The following CEL variants were observed in gnomAD, a reference collection of about 807,000 sequenced individuals.
CEL encodes bile salt-activated lipase.
In CEL, 39 loss-of-function variants were observed where a neutral mutation model predicts 57.1. That is an observed-to-expected ratio of 0.68 (90% CI 0.53 to 0.89). The LOEUF (loss-of-function observed/expected upper bound fraction) is 0.89, where lower values mean the gene tolerates loss of function less well. Ranked by LOEUF, CEL falls within the 40% of genes least tolerant of loss-of-function variation. The probability of loss-of-function intolerance (pLI) is 0.00; values close to 1 mark genes in which losing one functional copy is unlikely to be tolerated. For synonymous variants in CEL, 314 were observed against 396.6 expected (o/e 0.79, Z 2.48); for missense variants, 698 against 915.0 (o/e 0.76, Z 3.06).
intron 7 of CEL, 57 bp from the exon 8 acceptor site, chr9:133,068,615 G>A: frequency 3.7e-6 from 6 of 1,612,680 alleles, no homozygotes; most frequent in East Asian, 4.5e-5. Flanking sequence ...GCAAGGGGCG[G>A]CTCAGGGGAA....
At chr9:133,064,355 G>A in intron 1 of CEL, 49 bp from the exon 2 acceptor site, 1 of 1,610,042 alleles carries the variant, frequency 6.2e-7, no homozygotes, top group Non-Finnish European at 8.5e-7. Flanking sequence ...TCCGGATTCA[G>A]GCCGATGGGG....
rs770921787 is a variant in CEL at position 133,071,790 on chromosome 9, G to A, written c.*26G>A. 2 of 1,606,768 alleles carry A rather than the reference G, an allele frequency of 1.2e-6. No homozygotes were observed. The highest frequency in any genetic ancestry group is 1.1e-5 in the South Asian group (1 of 90,884). On this transcript the variant is annotated 3_prime_UTR_variant, in exon 11 of 11. Coordinates refer to ENST00000372080, the MANE Select transcript of CEL (RefSeq NM_001807.6). ...CGTCCCATGAGCCTTGGTATCAAGA[G>A]GCCACAAGAGTGGGACCCCAGGGGC...
chr9:133,066,303 G>T lies in CEL; in HGVS notation c.539-227G>T, dbSNP rs1830177795. On this transcript the variant is annotated intron_variant, in intron 4 of 10. Transcript: ENST00000372080. This position sits in a 1 kb window ranked among gnomAD's most constrained non-coding sequence, Gnocchi z 4.3. ...CACCGCACCCGACTCAGCCTCCTGG[G>T]GACCCACCCACTCCAGCAACCAACG... is the stretch of plus-strand genomic sequence containing the variant. 6.6e-6 allele frequency among the ~76,000 whole-genome samples: 1 copy of T among 151,780 alleles called. No individual in the cohort carries two copies. The highest frequency in any genetic ancestry group is 2.4e-5 in the African/African-American group (1 of 41,268).
In CEL at chr9:133,063,645, G is replaced by A. The variant is rs60782203; in HGVS notation, c.67-759G>A. Among the ~76,000 whole-genome samples, 1,342 of 152,318 alleles carry A rather than the reference G, an allele frequency of 8.8e-3. 19 individuals carry two copies. Among genetic ancestry groups the A allele is most frequent in the African/African-American group, 0.031 (1,300 of 41,570 alleles). On this transcript the variant is annotated intron_variant, in intron 1 of 10. Coordinates refer to ENST00000372080, the MANE Select transcript of CEL (RefSeq NM_001807.6). ...GGGCAGACAGCTGCTTCTCAACAGG[G>A]TGACTTCAAGCCCAAAAGCTGCCCA...
At position 133,064,471 on chromosome 9, in the gene CEL, ACT is replaced by A. The variant is rs755119857; in HGVS notation, c.137_138del (p.Ser46CysfsTer52). On this transcript the variant is annotated frameshift_variant, in exon 2 of 11. Transcript: ENST00000372080. LOFTEE classifies it high-confidence loss of function. ...AATAAGAAGCTCGGCCTCCTGGGTG[ACT>A]CTGTGGACATCTTCAAGGGCATCCC... 6.2e-7 allele frequency: 1 copy of A among 1,613,986 alleles called. No homozygotes were observed. The highest frequency in any genetic ancestry group is 2.2e-5 in the East Asian group (1 of 44,876).
chr9:133,063,437 G>A (rs1830123632), intron 1 of CEL, among the ~76,000 whole-genome samples: 2 of 152,186 alleles, frequency 1.3e-5, no homozygotes, highest in South Asian at 2.1e-4. Context: ...GTGTGACAGG[G>A]GGCCCATCAC....
rs1830282288 is a variant in CEL at position 133,071,791 on chromosome 9, G to A, written c.*27G>A. 6 of 1,606,656 alleles carry A rather than the reference G, an allele frequency of 3.7e-6. No homozygotes were observed. The highest frequency in any genetic ancestry group is 2.2e-5 in the East Asian group (1 of 44,776). On this transcript the variant is annotated 3_prime_UTR_variant, in exon 11 of 11. Transcript: ENST00000372080. ...GTCCCATGAGCCTTGGTATCAAGAG[G>A]CCACAAGAGTGGGACCCCAGGGGCT...
rs577585122 is a variant in CEL at position 133,064,914 on chromosome 9, G to A, written c.341-126G>A. ...CGCCCACTGCCGTTGCCCAGCCTGG[G>A]GCAGGGCAGCGCCTTGGAGCACCTC... is the stretch of plus-strand genomic sequence containing the variant. On this transcript the variant is annotated intron_variant, in intron 3 of 10. Coordinates refer to ENST00000372080, the MANE Select transcript of CEL (RefSeq NM_001807.6). The A allele has an allele frequency of 2.2e-4, 338 of 1,537,740 alleles. 2 individuals are homozygous for A. The African/African-American group carries it at 4.2e-3, about 19-fold the overall frequency.
Position 133,065,020 on chromosome 9 carries a change from C to T in CEL, c.341-20C>T, listed in dbSNP as rs1240118586. ...GGCCAGGCGGGGCGTCTGGGGTCACCAGCCGCTCCCCCATCTCAGTCTCCC... is the reference window on the plus strand; with the variant it reads ...GGCCAGGCGGGGCGTCTGGGGTCACTAGCCGCTCCCCCATCTCAGTCTCCC... On this transcript the variant is annotated intron_variant, in intron 3 of 10. Transcript: ENST00000372080. 1 of 1,610,076 alleles carries T rather than the reference C, an allele frequency of 6.2e-7. No individual in the cohort carries two copies. Among genetic ancestry groups the T allele is most frequent in the South Asian group, 1.1e-5 (1 of 90,880 alleles).
In CEL at chr9:133,065,230, T is replaced by C. The variant is rs775856888; in HGVS notation, c.531T>C (p.Asn177=). Residue 177 remains asparagine, a synonymous_variant, in exon 4 of 11, where the codon AAT becomes AAC. Coordinates refer to ENST00000372080, the MANE Select transcript of CEL (RefSeq NM_001807.6). ...GGTTCCTCAGCACTGGGGACGCCAA[T>C]CTGCCAGGTGCGTGGGTGCCTTCGG... The part of the protein sequence containing the change: ...PLGFLSTGDA[N]LPGNYGLRDQ... 4 of 1,612,948 alleles carry C rather than the reference T, an allele frequency of 2.5e-6. No individual in the cohort carries two copies. The African/African-American group carries it at 5.3e-5, about 22-fold the overall frequency.
rs1830190623 is a variant in CEL at position 133,067,078 on chromosome 9, C to T, written c.778-10C>T. ...CCTCACCTACCTGCTGGCCTTGGTT[C>T]TGCCCCCAGGTGGCTGAGAAGGTGG... On this transcript the variant is annotated splice_polypyrimidine_tract_variant and intron_variant, in intron 6 of 10. Coordinates refer to ENST00000372080, the MANE Select transcript of CEL (RefSeq NM_001807.6). 3 of 1,613,912 alleles carry T rather than the reference C, an allele frequency of 1.9e-6. 1 individual carries two copies. The Middle Eastern group carries it at 4.9e-4, about 266-fold the overall frequency.
intron 7 of CEL, among the ~76,000 whole-genome samples, 179 bp downstream of exon 7, chr9:133,067,384 CT>C (rs113086096): frequency 1.1e-4 from 17 of 151,324 alleles, no homozygotes; most frequent in East Asian, 1.9e-4. Context: ...GCCGTTTCTT[CT>C]TTTTTTTTGA....
intron 1 of CEL, among the ~76,000 whole-genome samples, chr9:133,064,074 CTG>C (rs1388210505): frequency 1.3e-5 from 2 of 152,328 alleles, no homozygotes; most frequent in African/African-American, 4.8e-5. Context: ...CATGGGGAAA[CTG>C]AGGATCGGAG....
chr9:133,064,810 C>T (rs999441873), intron 3 of CEL, 48 bp downstream of exon 3: 1 of 1,612,394 alleles, frequency 6.2e-7, no homozygotes, highest in Non-Finnish European at 8.5e-7. Flanking sequence ...GCAGCCACTG[C>T]CCCGGGTCTA....
At position 133,071,180 on chromosome 9, in the gene CEL, G is replaced by A. The variant is rs761509842; in HGVS notation, c.1678G>A (p.Val560Met). ...AGTGACCGACCAGGAGGCCACCCCT[G>A]TGCCCCCCACAGGGGACTCCGAGGC... ...PTVTDQEATPVPPTGDSEATP... is the reference protein window; with the variant it reads ...PTVTDQEATPMPPTGDSEATP... The change falls in exon 11 of 11, where the codon GTG becomes ATG. Residue 560 changes from valine (V) to methionine (M), a missense_variant. By Grantham distance (21) the Val-to-Met change is conservative. Coordinates refer to ENST00000372080, the MANE Select transcript of CEL (RefSeq NM_001807.6). The A allele has an allele frequency of 4.4e-5, 71 of 1,606,516 alleles. No homozygotes were observed. Among genetic ancestry groups the A allele is most frequent in the African/African-American group, 9.4e-5 (7 of 74,758 alleles).
At chr9:133,067,981 C>G (rs1178468271) in intron 7 of CEL, among the ~76,000 whole-genome samples, 1 of 152,220 alleles carries the variant, frequency 6.6e-6, no homozygotes, top group East Asian at 1.9e-4. Flanking sequence ...CAGCTTGCTA[C>G]GCTAAGGCTG....
At chr9:133,064,891 C>T in intron 3 of CEL, 129 bp downstream of exon 3, 1 of 1,546,322 alleles carries the variant, frequency 6.5e-7, no homozygotes. Context: ...GAGGGGAGCG[C>T]CCACTGCCGT....
intron 3 of CEL, 25 bp from the exon 4 acceptor site, chr9:133,065,015 G>A: frequency 1.2e-6 from 2 of 1,607,134 alleles, no homozygotes. Flanking sequence ...GGCGTCTGGG[G>A]TCACCAGCCG....
In CEL at chr9:133,071,235, A is replaced by G. The variant is rs35939167; in HGVS notation, c.1733A>G (p.Glu578Gly). 2.5e-4 allele frequency: 387 copies of G among 1,568,174 alleles called. 7 individuals carry two copies. In the South Asian group the frequency reaches 3.0e-3, roughly 12 times the overall value. ...ATPVPPTGDSETAPVPPTGDS... is the reference protein window; with the variant it reads ...ATPVPPTGDSGTAPVPPTGDS... ...CCCGTGCCCCCCACGGGTGACTCCG[A>G]GACCGCCCCCGTGCCGCCCACGGGT... Residue 578 changes from glutamate to glycine, a missense_variant, in exon 11 of 11, where the codon GAG (glutamate) becomes GGG (glycine). By Grantham distance (98) the Glu-to-Gly change is moderately conservative (BLOSUM62 -2). Transcript: ENST00000372080.
Sources: allele counts gnomAD v4.1 joint callset (sites outside exome capture counted in the v4.1 genomes callset), GRCh38; gene constraint gnomAD v4.1.1; non-coding constraint Gnocchi (gnomAD v3.1); transcripts MANE v1.5; gene names NCBI Gene and HGNC (gene_info 2026-07-23, HGNC 2026-07-21).